Variants in ASIC2 observed in about 807,000 individuals in gnomAD.
ASIC2 encodes acid sensing ion channel subunit 2, also known as acid-sensing ion channel 2.
A neutral mutation model predicts 57.3 loss-of-function variants in ASIC2; 25 were observed. The observed-to-expected ratio is 0.44, with a 90% CI of 0.32 to 0.61. The LOEUF is 0.61. Ranked by LOEUF, ASIC2 falls within the 20% of genes least tolerant of loss-of-function variation. ASIC2 has a pLI of 0.06. For synonymous variants in ASIC2, 319 were observed against 307.5 expected, an observed-to-expected ratio of 1.04 and a Z score of -0.39; for missense variants, 641 against 738.1, an observed-to-expected ratio of 0.87 and a Z score of 1.52.
chr17:33,975,824 A>C (rs1297449038), intron 1 of ASIC2, among the ~76,000 whole-genome samples: 1 of 152,072 alleles, frequency 6.6e-6, no homozygotes, highest in Non-Finnish European at 1.5e-5. Flanking sequence ...TCATTGAATG[A>C]AGTCATCCCA....
At chr17:33,318,496 T>C (rs962889751) in intron 1 of ASIC2, among the ~76,000 whole-genome samples, 15 of 152,184 alleles carry the variant, frequency 9.9e-5, no homozygotes, top group African/African-American at 3.6e-4. Flanking sequence ...CCCTCCCTCG[T>C]TTGGGTGACA....
chr17:33,594,415 G>A (rs1904918129), intron 1 of ASIC2, among the ~76,000 whole-genome samples: 1 of 152,198 alleles, frequency 6.6e-6, no homozygotes, highest in Non-Finnish European at 1.5e-5. Flanking sequence ...GACTTAGAAT[G>A]CAACTTACAA....
At chr17:33,952,412 C>T (rs1236225959) in intron 1 of ASIC2, among the ~76,000 whole-genome samples, 1 of 152,140 alleles carries the variant, frequency 6.6e-6, no homozygotes, top group Admixed American at 6.5e-5. Flanking sequence ...GAGCTTGTTT[C>T]CTCATTCTTA....
intron 1 of ASIC2, among the ~76,000 whole-genome samples, chr17:33,289,438 C>T (rs897449711): frequency 6.6e-6 from 1 of 152,174 alleles, no homozygotes; most frequent in African/African-American, 2.4e-5. Flanking sequence ...TGACCTGGGC[C>T]ACATGGGGTG....
At chr17:34,014,865 C>T (rs180938438) in intron 1 of ASIC2, among the ~76,000 whole-genome samples, 1 of 150,756 alleles carries the variant, frequency 6.6e-6, no homozygotes, top group East Asian at 1.9e-4. Context: ...ATCCCTCCGC[C>T]TTAATCCTCT....
At chr17:33,793,264 G>A (rs923118705) in intron 1 of ASIC2, among the ~76,000 whole-genome samples, 7 of 152,168 alleles carry the variant, frequency 4.6e-5, no homozygotes, top group African/African-American at 1.4e-4. Context: ...GTTTATAGGT[G>A]TAAAAATGAC....
At chr17:33,817,924 T>C (rs1371060180) in intron 1 of ASIC2, among the ~76,000 whole-genome samples, 7 of 152,066 alleles carry the variant, frequency 4.6e-5, no homozygotes, top group Non-Finnish European at 7.4e-5. Flanking sequence ...CTTTCCCTCT[T>C]TCTGCCTCAA....
At chr17:34,028,508 A>G (rs1695872441) in intron 1 of ASIC2, among the ~76,000 whole-genome samples, 5 of 152,146 alleles carry the variant, frequency 3.3e-5, no homozygotes, top group Admixed American at 3.3e-4. Context: ...GCTCGAGTCA[A>G]CCTTGCTTCA....
intron 1 of ASIC2, among the ~76,000 whole-genome samples, chr17:33,434,820 A>G (rs1335135457): frequency 2.0e-5 from 3 of 152,264 alleles, no homozygotes; most frequent in African/African-American, 7.2e-5. Context: ...TAAGGTATGC[A>G]ATGGCTATCT....
chr17:34,101,720 C>T (rs1050885764), intron 1 of ASIC2, among the ~76,000 whole-genome samples: 7 of 152,050 alleles, frequency 4.6e-5, no homozygotes, highest in Non-Finnish European at 7.3e-5. Context: ...TGTAAGTCTC[C>T]GTACGTGTTT....
intron 9 of ASIC2, among the ~76,000 whole-genome samples, chr17:33,015,577 G>A (rs756691141): frequency 1.3e-5 from 2 of 152,200 alleles, no homozygotes; most frequent in Non-Finnish European, 2.9e-5. Context: ...TATCCCTTTC[G>A]AATGGGATGG....
chr17:33,622,847 C>T (rs1905843872), intron 1 of ASIC2, among the ~76,000 whole-genome samples: 1 of 152,200 alleles, frequency 6.6e-6, no homozygotes, highest in African/African-American at 2.4e-5. Context: ...TCATTGTTTA[C>T]ACATTTAACA....
At chr17:33,309,235 A>G (rs1405510032) in intron 1 of ASIC2, among the ~76,000 whole-genome samples, 2 of 151,876 alleles carry the variant, frequency 1.3e-5, no homozygotes, top group Non-Finnish European at 2.9e-5. Context: ...ATTCTTGGTC[A>G]GATGTCGTAG....
chr17:33,987,190 A>G (rs569223998), intron 1 of ASIC2, among the ~76,000 whole-genome samples: 8 of 152,264 alleles, frequency 5.3e-5, no homozygotes, highest in Non-Finnish European at 8.8e-5. Context: ...GAATCAGGGG[A>G]AAAAAGTCAG....
intron 1 of ASIC2, among the ~76,000 whole-genome samples, chr17:33,191,375 G>C (rs1906411428): frequency 6.6e-6 from 1 of 152,104 alleles, no homozygotes; most frequent in South Asian, 2.1e-4. Flanking sequence ...TTTGTTGGGT[G>C]GGGGGTAATG....
intron 1 of ASIC2, among the ~76,000 whole-genome samples, chr17:33,625,908 A>G (rs191822224): frequency 1.3e-5 from 2 of 152,360 alleles, no homozygotes; most frequent in East Asian, 1.9e-4. Context: ...CTGAATGTCA[A>G]GGTCCTTGTA....
intron 1 of ASIC2, among the ~76,000 whole-genome samples, chr17:34,033,655 G>C (rs1907727722): frequency 6.6e-6 from 1 of 152,068 alleles, no homozygotes; most frequent in Non-Finnish European, 1.5e-5. Flanking sequence ...GAATCAAATA[G>C]ACGCAATAAA....
intron 1 of ASIC2, among the ~76,000 whole-genome samples, chr17:33,684,981 A>G (rs1384134400): frequency 6.6e-6 from 1 of 152,178 alleles, no homozygotes; most frequent in Non-Finnish European, 1.5e-5. Flanking sequence ...GTCATATCGA[A>G]GCAGAAATAG....
intron 1 of ASIC2, among the ~76,000 whole-genome samples, chr17:33,672,548 G>A (rs760233359): frequency 7.2e-5 from 11 of 152,142 alleles, no homozygotes; most frequent in Non-Finnish European, 1.5e-4. Context: ...AGCCTGCTGT[G>A]GCTAAAGATG....
Sources: gnomAD v4.1 joint callset for allele counts (sites outside exome capture counted in the v4.1 genomes callset) on GRCh38, gnomAD v4.1.1 for gene constraint, MANE v1.5 for transcripts, NCBI Gene and HGNC (gene_info 2026-07-23, HGNC 2026-07-21) for gene names.